Variants in MTA1 observed in about 807,000 individuals in gnomAD.
MTA1 encodes the protein metastasis associated 1.
In MTA1, 15 loss-of-function variants were observed where a neutral mutation model predicts 97.0. That is an observed-to-expected ratio of 0.15 (90% CI 0.10 to 0.24). MTA1 has a LOEUF of 0.24. Among genes scored for constraint, MTA1 ranks in the 10% least tolerant of loss-of-function variants. The pLI is 1.00. For missense variants in MTA1, 709 were observed against 1,015.1 expected (o/e 0.70, Z 4.10); for synonymous variants, 435 against 417.5 (o/e 1.04, Z -0.51).
Position 105,420,168 on chromosome 14 carries a change from C to A in MTA1, c.28+105C>A. The A allele has an allele frequency of 3.7e-6, 2 of 545,774 alleles. No individual in the cohort carries two copies. The highest frequency in any genetic ancestry group is 4.7e-6 in the Non-Finnish European group (2 of 426,284). 33.8% of individuals were successfully genotyped at this position (545,774 alleles called of 1,614,324 possible). A position where few individuals can be genotyped will look rare whatever the true frequency, so the allele number is the denominator to read the frequency against. ...TCTGCCCCGCAGGCCCCGCGCCCCCCGCCCGCCCTCGCGGCCCCCGGCTCC... is the reference window on the plus strand; with the variant it reads ...TCTGCCCCGCAGGCCCCGCGCCCCCAGCCCGCCCTCGCGGCCCCCGGCTCC... On this transcript the variant is annotated intron_variant, in intron 1 of 20. Coordinates refer to ENST00000331320, the MANE Select transcript of MTA1 (RefSeq NM_004689.4). The surrounding 1 kb of genome is among the most constrained non-coding windows in gnomAD (Gnocchi z 5.3).
At chr14:105,432,867 G>A (rs587650878) in intron 1 of MTA1, among the ~76,000 whole-genome samples, 36 of 152,304 alleles carry the variant, frequency 2.4e-4, no homozygotes, top group African/African-American at 8.4e-4. Context: ...TCACACTGTG[G>A]TTACAGCAGA....
intron 18 of MTA1, chr14:105,467,563 C>T (rs2083648589): frequency 2.2e-5 from 10 of 445,396 alleles, no homozygotes; most frequent in South Asian, 4.7e-5. Flanking sequence ...GATCGGGTGC[C>T]GGGCCCCCCA....
intron 18 of MTA1, chr14:105,468,251 C>A: frequency 1.6e-6 from 2 of 1,255,460 alleles, no homozygotes; most frequent in African/African-American, 1.5e-5. Context: ...TTGCGCTGTC[C>A]CCACCTGCGG....
chr14:105,427,929 A>G (rs2082059170), intron 1 of MTA1, among the ~76,000 whole-genome samples: 1 of 149,456 alleles, frequency 6.7e-6, no homozygotes, highest in Non-Finnish European at 1.5e-5. Context: ...GAGGCATGAG[A>G]ATCACTTGCG....
chr14:105,463,299 C>T lies in MTA1; in HGVS notation c.1017+41C>T. ...ACTCAGTGCCCGGGGTGTGCCGCCT[C>T]CCCGTCCTGCGCCCCATCCTCTCCC... On this transcript the variant is annotated intron_variant, in intron 11 of 20. Coordinates refer to ENST00000331320, the MANE Select transcript of MTA1 (RefSeq NM_004689.4). This position sits in a 1 kb window ranked among gnomAD's most constrained non-coding sequence, Gnocchi z 5.9. The T allele has an allele frequency of 1.2e-6, 2 of 1,604,266 alleles. No individual in the cohort carries two copies. Among genetic ancestry groups the T allele is most frequent in the Non-Finnish European group, 1.7e-6 (2 of 1,174,136 alleles).
chr14:105,463,515 C>T lies in MTA1; in HGVS notation c.1040C>T (p.Ala347Val). ...VQQKRLKAAE[A>V]ESKLKQVYIP... Reference sequence around the variant, plus strand: ...AAGAAACGCTTGAAAGCAGCTGAAGCTGAGAGCAAGTTAAAGCAAGTTTAT... The same window carrying T: ...AAGAAACGCTTGAAAGCAGCTGAAGTTGAGAGCAAGTTAAAGCAAGTTTAT... Residue 347 changes from alanine to valine, a missense_variant, in exon 12 of 21, where the codon GCT (alanine) becomes GTT (valine). This residue lies in a region of MTA1 where 321 missense variants were observed against 593.5 expected (regional missense o/e 0.54). Transcript: ENST00000331320. The surrounding 1 kb of genome is among the most constrained non-coding windows in gnomAD (Gnocchi z 5.9). The T allele has an allele frequency of 6.2e-7, 1 of 1,613,116 alleles. No homozygotes were observed. The highest frequency in any genetic ancestry group is 1.1e-5 in the South Asian group (1 of 91,088).
chr14:105,467,304 G>A (rs1555433155), intron 18 of MTA1: 1 of 418,106 alleles, frequency 2.4e-6, no homozygotes, highest in African/African-American at 2.0e-5. Flanking sequence ...CCAGGTGTGT[G>A]GGGCCCGGGT....
intron 3 of MTA1, 174 bp from the exon 4 acceptor site, chr14:105,449,185 C>T (rs1026385534): frequency 3.2e-5 from 18 of 568,832 alleles, no homozygotes; most frequent in Middle Eastern, 4.6e-4. Flanking sequence ...AGTGGGGGGA[C>T]GTCGAGGCCC....
chr14:105,431,955 T>C (rs781848690), intron 1 of MTA1, among the ~76,000 whole-genome samples: 3 of 152,200 alleles, frequency 2.0e-5, no homozygotes, highest in Non-Finnish European at 4.4e-5. Flanking sequence ...TGTCATGCCT[T>C]ATTGAACCAG....
intron 15 of MTA1, 66 bp from the exon 16 acceptor site, chr14:105,465,028 G>C (rs2083510776): frequency 2.1e-6 from 3 of 1,445,014 alleles, no homozygotes; most frequent in South Asian, 1.4e-5. Context: ...CCCAGGTCAA[G>C]GCGCAGGCAG....
chr14:105,469,077 C>A, intron 18 of MTA1: 1 of 457,944 alleles, frequency 2.2e-6, no homozygotes, highest in Non-Finnish European at 4.4e-6. Context: ...GCAGTGCCGG[C>A]CACAGCGTGG....
chr14:105,465,348 GGCAGACCCACTGGGACCCA>G, intron 16 of MTA1, 165 bp downstream of exon 16: 1 of 497,432 alleles, frequency 2.0e-6, no homozygotes, highest in Non-Finnish European at 3.3e-6. Context: ...GCCAGGCTCA[GGCAGACCCACTGGGACCCA>G]GGCTGCTCCC....
chr14:105,464,668 C>T lies in MTA1; in HGVS notation c.1345-6C>T. On this transcript the variant is annotated splice_polypyrimidine_tract_variant and splice_region_variant and intron_variant, in intron 14 of 20. Coordinates refer to ENST00000331320, the MANE Select transcript of MTA1 (RefSeq NM_004689.4). ...TGTGTTGGGGCGGTTGCGCCCCCTT[C>T]CGCAGAGTCCCCACGGCCTCCCAGC... 1 of 1,602,532 alleles carries T rather than the reference C, an allele frequency of 6.2e-7. No homozygotes were observed. The highest frequency in any genetic ancestry group is 8.5e-7 in the Non-Finnish European group (1 of 1,172,616).
Position 105,468,288 on chromosome 14 carries a change from A to G in MTA1, c.1814-1179A>G. The G allele has an allele frequency of 3.8e-6, 5 of 1,303,270 alleles. No individual in the cohort carries two copies. The African/African-American group carries it at 4.5e-5, about 12-fold the overall frequency. 80.7% of individuals were successfully genotyped at this position (1,303,270 alleles called of 1,614,324 possible). A position where few individuals can be genotyped will look rare whatever the true frequency, so the allele number is the denominator to read the frequency against. ...GCCTGCAGATGGCTGCGTGTGGCTC[A>G]CTAACCTAAAGCATGTGTTTCTTCC... is the stretch of plus-strand genomic sequence containing the variant. On this transcript the variant is annotated intron_variant, in intron 18 of 20. Transcript: ENST00000331320.
chr14:105,420,140 C>CGCCGCTGCCG lies in MTA1; in HGVS notation c.28+77_28+78insGCCGCTGCCG. Reference sequence around the variant, plus strand: ...CCGCCGCCGCTGCCGCCTCCCCCGCCCCTCTGCCCCGCAGGCCCCGCGCCC... The same window carrying CGCCGCTGCCG: ...CCGCCGCCGCTGCCGCCTCCCCCGCCGCCGCTGCCGCCTCTGCCCCGCAGGCCCCGCGCCC... On this transcript the variant is annotated intron_variant, in intron 1 of 20. Coordinates refer to ENST00000331320, the MANE Select transcript of MTA1 (RefSeq NM_004689.4). This position sits in a 1 kb window ranked among gnomAD's most constrained non-coding sequence, Gnocchi z 5.3. 2.6e-6 allele frequency: 2 copies of CGCCGCTGCCG among 761,644 alleles called. No homozygotes were observed. Among genetic ancestry groups the CGCCGCTGCCG allele is most frequent in the Non-Finnish European group, 3.2e-6 (2 of 622,618 alleles). 47.2% of individuals were successfully genotyped at this position (761,644 alleles called of 1,614,324 possible).
chr14:105,466,920 C>T (rs2141703202), intron 18 of MTA1, 178 bp downstream of exon 18: 1 of 659,538 alleles, frequency 1.5e-6, no homozygotes, highest in South Asian at 2.0e-5. Flanking sequence ...TTGGTGAAGA[C>T]CCCCCGAGCC....
rs926228490 is a variant in MTA1, at chr14:105,422,510, C to A, written c.28+2447C>A. 6.6e-6 allele frequency among the ~76,000 whole-genome samples: 1 copy of A among 152,144 alleles called. No individual in the cohort carries two copies. The highest frequency in any genetic ancestry group is 1.5e-5 in the Non-Finnish European group (1 of 68,022). On this transcript the variant is annotated intron_variant, in intron 1 of 20. Coordinates refer to ENST00000331320, the MANE Select transcript of MTA1 (RefSeq NM_004689.4). The surrounding 1 kb of genome is among the most constrained non-coding windows in gnomAD (Gnocchi z 4.3). Reference sequence around the variant, plus strand: ...CCTGGGAAGGGGCTTGCTCCTGTGCCCCCCCACCCCAGGGACCTTGTGTGT... The same window carrying A: ...CCTGGGAAGGGGCTTGCTCCTGTGCACCCCCACCCCAGGGACCTTGTGTGT...
intron 1 of MTA1, among the ~76,000 whole-genome samples, chr14:105,425,059 G>T (rs1185284901): frequency 6.6e-6 from 1 of 152,220 alleles, no homozygotes; most frequent in African/African-American, 2.4e-5. Flanking sequence ...TGCCAGAGGA[G>T]GTGCCGTGTG....
At chr14:105,434,866 T>A (rs1555424080) in intron 1 of MTA1, among the ~76,000 whole-genome samples, 1 of 152,252 alleles carries the variant, frequency 6.6e-6, no homozygotes, top group Non-Finnish European at 1.5e-5. Context: ...GCAGTTTCAA[T>A]AGCTTTTTTT....
Sources: gnomAD v4.1 joint callset for allele counts (sites outside exome capture counted in the v4.1 genomes callset) on GRCh38, gnomAD v4.1.1 for gene constraint, gnomAD v4.1.1 regional missense constraint, Gnocchi (gnomAD v3.1) non-coding constraint, MANE v1.5 for transcripts, NCBI Gene and HGNC (gene_info 2026-07-23, HGNC 2026-07-21) for gene names.